Variants in NEGR1 observed in about 807,000 individuals in gnomAD.
NEGR1 encodes neuronal growth regulator 1, also known as IgLON family member 4.
NEGR1 carries 10 observed loss-of-function variants against 40.9 expected under a neutral mutation model. The observed-to-expected ratio is 0.24, with a 90% confidence interval of 0.15 to 0.42. The LOEUF (loss-of-function observed/expected upper bound fraction) is 0.42. Among genes scored for constraint, NEGR1 ranks in the 10% least tolerant of loss-of-function variants. The pLI, the probability that NEGR1 is intolerant of heterozygous loss-of-function variation, is 1.00. For synonymous variants in NEGR1, 185 were observed against 166.8 expected, an observed-to-expected ratio of 1.11 and a Z score of -0.84; for missense variants, 352 against 438.9, an observed-to-expected ratio of 0.80 and a Z score of 1.77.
chr1:71,846,846 AT>A (rs1325537350), intron 2 of NEGR1, among the ~76,000 whole-genome samples: 3 of 152,112 alleles, frequency 2.0e-5, no homozygotes, highest in Non-Finnish European at 4.4e-5. Flanking sequence ...AATCTAAACC[AT>A]GAGGGCTCTA....
intron 1 of NEGR1, among the ~76,000 whole-genome samples, chr1:72,119,989 G>A (rs1255468717): frequency 2.6e-5 from 4 of 151,782 alleles, no homozygotes; most frequent in Admixed American, 6.6e-5. Flanking sequence ...GATTAATTAC[G>A]AAAAATGACT....
At chr1:71,687,788 T>G (rs1036784435) in intron 4 of NEGR1, among the ~76,000 whole-genome samples, 3 of 152,140 alleles carry the variant, frequency 2.0e-5, no homozygotes, top group Admixed American at 6.5e-5. Flanking sequence ...CACAGTTTGT[T>G]GAGAATAATT....
intron 6 of NEGR1, among the ~76,000 whole-genome samples, chr1:71,508,148 G>A (rs530848115): frequency 6.6e-6 from 1 of 152,206 alleles, no homozygotes; most frequent in South Asian, 2.1e-4. Flanking sequence ...TTTTAAGTTT[G>A]TAGTTCACCA....
At chr1:72,126,522 T>A (rs559936899) in intron 1 of NEGR1, among the ~76,000 whole-genome samples, 1 of 152,184 alleles carries the variant, frequency 6.6e-6, no homozygotes, top group Non-Finnish European at 1.5e-5. Context: ...CACCATACTA[T>A]GACACAAACG....
intron 2 of NEGR1, among the ~76,000 whole-genome samples, chr1:71,816,281 C>A (rs925799899): frequency 6.6e-6 from 1 of 152,048 alleles, no homozygotes; most frequent in Non-Finnish European, 1.5e-5. Context: ...TGATTCCCCT[C>A]CTTTTACACC....
chr1:71,640,584 A>G (rs1651316197), intron 4 of NEGR1, among the ~76,000 whole-genome samples: 1 of 152,070 alleles, frequency 6.6e-6, no homozygotes, highest in Non-Finnish European at 1.5e-5. Context: ...ATCTCTCCCA[A>G]GAAGACAGTC....
chr1:71,687,651 T>C (rs10789321), intron 4 of NEGR1, among the ~76,000 whole-genome samples: 61,986 of 152,134 alleles, frequency 0.41, 12,997 homozygotes, highest in East Asian at 0.51. Flanking sequence ...TTTATTTCAG[T>C]GTCAGCCATT....
At chr1:71,559,940 TC>T (rs1364557527) in intron 6 of NEGR1, among the ~76,000 whole-genome samples, 1 of 151,460 alleles carries the variant, frequency 6.6e-6, no homozygotes, top group Non-Finnish European at 1.5e-5. Context: ...CCTTACTTTC[TC>T]CTAGTCTCCC....
At chr1:71,911,955 C>CT (rs890562742) in intron 2 of NEGR1, among the ~76,000 whole-genome samples, 6 of 152,036 alleles carry the variant, frequency 3.9e-5, no homozygotes, top group African/African-American at 1.4e-4. Context: ...TAATTTGTTG[C>CT]TTTTTGGGTT....
intron 1 of NEGR1, among the ~76,000 whole-genome samples, chr1:71,985,738 C>G (rs536295126): frequency 3.9e-5 from 6 of 152,272 alleles, no homozygotes; most frequent in African/African-American, 1.4e-4. Flanking sequence ...AGTACTTTAT[C>G]TCTTTGAATC....
At chr1:71,504,817 G>GGTCATTCTTATATGTTCCTGAAGC (rs1336969224) in intron 6 of NEGR1, among the ~76,000 whole-genome samples, 26 of 151,998 alleles carry the variant, frequency 1.7e-4, no homozygotes, top group African/African-American at 6.0e-4. Context: ...CACACTGAAG[G>GGTCATTCTTATATGTTCCTGAAGC]GTCATTCTTA....
chr1:71,836,375 G>A (rs897296732), intron 2 of NEGR1, among the ~76,000 whole-genome samples: 2 of 150,924 alleles, frequency 1.3e-5, no homozygotes, highest in African/African-American at 4.9e-5. Context: ...GTTGAAGTAA[G>A]CCGAGATCGC....
intron 2 of NEGR1, among the ~76,000 whole-genome samples, chr1:71,900,697 C>T (rs1010253022): frequency 1.3e-5 from 2 of 152,280 alleles, no homozygotes; most frequent in Admixed American, 1.3e-4. Flanking sequence ...AAGATTTGAA[C>T]TGTAACCACA....
intron 1 of NEGR1, among the ~76,000 whole-genome samples, chr1:72,130,150 C>T (rs571795602): frequency 1.7e-4 from 26 of 152,268 alleles, no homozygotes; most frequent in South Asian, 1.7e-3. Flanking sequence ...CAATTACTTA[C>T]GCTTTTTTCT....
At chr1:71,988,515 C>G (rs538932832) in intron 1 of NEGR1, among the ~76,000 whole-genome samples, 1 of 128,126 alleles carries the variant, frequency 7.8e-6, no homozygotes, top group South Asian at 2.6e-4. Context: ...GTCCGCAGTC[C>G]GTCCTGGGCG....
intron 6 of NEGR1, among the ~76,000 whole-genome samples, chr1:71,498,546 C>T (rs1013751625): frequency 6.6e-6 from 1 of 152,228 alleles, no homozygotes; most frequent in Admixed American, 6.5e-5. Flanking sequence ...CTCCATCCTG[C>T]AATTCCTCCA....
At chr1:71,693,326 T>C (rs1276533668) in intron 4 of NEGR1, among the ~76,000 whole-genome samples, 1 of 151,702 alleles carries the variant, frequency 6.6e-6, no homozygotes, top group Non-Finnish European at 1.5e-5. Flanking sequence ...TTTCTCTATT[T>C]TGCCTAGTAG....
At chr1:71,967,866 G>C (rs1365209) in intron 1 of NEGR1, among the ~76,000 whole-genome samples, 45,815 of 152,032 alleles carry the variant, frequency 0.3, 7,787 homozygotes, top group African/African-American at 0.47. Flanking sequence ...AGACTTATGA[G>C]CAGTGCCAAT....
chr1:71,572,473 A>G (rs891937434), intron 6 of NEGR1, among the ~76,000 whole-genome samples: 2 of 152,218 alleles, frequency 1.3e-5, no homozygotes, highest in African/African-American at 4.8e-5. Context: ...GCTCAACAAC[A>G]GTACCCTGCA....
Sources: allele counts gnomAD v4.1 joint callset (sites outside exome capture counted in the v4.1 genomes callset), GRCh38; gene constraint gnomAD v4.1.1; transcripts MANE v1.5; gene names NCBI Gene and HGNC (gene_info 2026-07-23, HGNC 2026-07-21).